COL23A1: variants seen among roughly 807,000 people sequenced by gnomAD.
COL23A1 encodes collagen alpha-1(XXIII) chain.
In COL23A1, 97 loss-of-function variants were observed where a neutral mutation model predicts 99.3. The ratio of observed to expected loss-of-function variants is 0.98; its 90% CI spans 0.83 to 1.16. The LOEUF (loss-of-function observed/expected upper bound fraction) is 1.16. COL23A1 is among the 50% of genes most tolerant of loss of function. The pLI is 0.00. For synonymous variants in COL23A1, 320 were observed against 308.2 expected, an observed-to-expected ratio of 1.04 and a Z score of -0.40; for missense variants, 762 against 757.4, an observed-to-expected ratio of 1.01 and a Z score of -0.07.
intron 2 of COL23A1, among the ~76,000 whole-genome samples, chr5:178,519,003 G>T (rs1215891418): frequency 1.3e-4 from 19 of 150,104 alleles, no homozygotes; most frequent in African/African-American, 4.1e-4. Flanking sequence ...CGTCAGCGCC[G>T]CGACTGTCCC....
chr5:178,544,917 C>CA lies in COL23A1; in HGVS notation c.361+15764dup, dbSNP rs1562073595. 6.6e-6 allele frequency among the ~76,000 whole-genome samples: 1 copy of CA among 151,806 alleles called. No individual in the cohort carries two copies. The highest frequency in any genetic ancestry group is 2.1e-4 in the South Asian group (1 of 4,804). ...AACCCCGTCTCTAGAACAACAACAA[C>CA]AAAAAAAGAAAAATTAACAAAATTT... On this transcript the variant is annotated intron_variant, in intron 2 of 28. Transcript: ENST00000390654. The surrounding 1 kb of genome is among the most constrained non-coding windows in gnomAD (Gnocchi z 4.4).
Position 178,502,285 on chromosome 5 carries a change from C to G in COL23A1, c.361+58397G>C, listed in dbSNP as rs534997409. 1.1e-4 allele frequency among the ~76,000 whole-genome samples: 17 copies of G among 152,282 alleles called. No individual in the cohort carries two copies. In the East Asian group the frequency reaches 2.7e-3, roughly 24 times the overall value. ...CAGCTGGGACTACAGGCGCCCGCCACCACGCCCGGCTAATTTTTTGTATTT... is the reference window on the plus strand; with the variant it reads ...CAGCTGGGACTACAGGCGCCCGCCAGCACGCCCGGCTAATTTTTTGTATTT... On this transcript the variant is annotated intron_variant, in intron 2 of 28. Coordinates refer to ENST00000390654, the MANE Select transcript of COL23A1 (RefSeq NM_173465.4).
At chr5:178,492,644 G>A (rs1490707398) in intron 2 of COL23A1, among the ~76,000 whole-genome samples, 2 of 151,502 alleles carry the variant, frequency 1.3e-5, no homozygotes, top group Admixed American at 6.6e-5. Flanking sequence ...GATGTTACAC[G>A]AAGTGAAGGA....
chr5:178,509,897 T>TAC (rs1198095474), intron 2 of COL23A1, among the ~76,000 whole-genome samples: 3 of 152,020 alleles, frequency 2.0e-5, no homozygotes, highest in Admixed American at 6.5e-5. Context: ...TGTGTTATTA[T>TAC]TAAGTTTCAT....
At chr5:178,268,641 C>A in intron 7 of COL23A1, 89 bp downstream of exon 7, 1 of 1,435,458 alleles carries the variant, frequency 7.0e-7, no homozygotes, top group South Asian at 1.3e-5. Flanking sequence ...GTGATGTGCT[C>A]AAGGGCACAC....
intron 1 of COL23A1, among the ~76,000 whole-genome samples, chr5:178,572,323 G>A (rs945564506): frequency 3.3e-5 from 5 of 151,988 alleles, no homozygotes; most frequent in African/African-American, 4.8e-5. Flanking sequence ...GTCACCAAAT[G>A]AGGAGTGAGA....
At chr5:178,564,616 C>A (rs1048603156) in intron 1 of COL23A1, among the ~76,000 whole-genome samples, 4 of 152,224 alleles carry the variant, frequency 2.6e-5, no homozygotes, top group African/African-American at 9.6e-5. Flanking sequence ...AGACTTTGGG[C>A]AAGTTCCCTT....
At chr5:178,531,309 C>T (rs545675634) in intron 2 of COL23A1, among the ~76,000 whole-genome samples, 3 of 152,300 alleles carry the variant, frequency 2.0e-5, no homozygotes, top group South Asian at 2.1e-4. Flanking sequence ...AAGATGGCAG[C>T]GACTTGCCCT....
chr5:178,492,618 G>A (rs1562020616), intron 2 of COL23A1, among the ~76,000 whole-genome samples: 1 of 151,600 alleles, frequency 6.6e-6, no homozygotes, highest in South Asian at 2.1e-4. Flanking sequence ...ATGCCACAAC[G>A]CAAATGCACC....
chr5:178,445,068 G>T (rs1257104571), intron 2 of COL23A1, among the ~76,000 whole-genome samples: 1 of 152,088 alleles, frequency 6.6e-6, no homozygotes, highest in African/African-American at 2.4e-5. Context: ...CAAAACATTA[G>T]CAAATTTGAT....
intron 27 of COL23A1, among the ~76,000 whole-genome samples, chr5:178,239,895 T>C (rs57859094): frequency 0.015 from 1,501 of 100,872 alleles, 95 homozygotes; most frequent in African/African-American, 0.089. Flanking sequence ...TGGGTCCTGC[T>C]GAGAGCCGTG....
At chr5:178,326,561 G>A (rs964475395) in intron 2 of COL23A1, among the ~76,000 whole-genome samples, 3 of 152,116 alleles carry the variant, frequency 2.0e-5, no homozygotes, top group East Asian at 1.9e-4. Context: ...ATCTGTCCAC[G>A]CAGGCATCTC....
rs1367642868 is a variant in COL23A1, at chr5:178,556,667, A to AAAATAAAATAAAATT, written c.361+4014_361+4015insAATTTTATTTTATTT. 9.0e-3 allele frequency among the ~76,000 whole-genome samples: 1,364 copies of AAAATAAAATAAAATT among 150,836 alleles called. 34 individuals are homozygous for AAAATAAAATAAAATT. The highest frequency in any genetic ancestry group is 0.03 in the African/African-American group (1,249 of 41,046). Reference sequence around the variant, plus strand: ...AAAATAAAATAAAATAAAATAAAATAAAAAAGCTGAGTGTGGTAGCTCATG... The same window carrying AAAATAAAATAAAATT: ...AAAATAAAATAAAATAAAATAAAATAAAATAAAATAAAATTAAAAAGCTGAGTGTGGTAGCTCATG... On this transcript the variant is annotated intron_variant, in intron 2 of 28. Transcript: ENST00000390654.
At chr5:178,379,261 A>G (rs142818378) in intron 2 of COL23A1, among the ~76,000 whole-genome samples, 219 of 152,310 alleles carry the variant, frequency 1.4e-3, no homozygotes, top group African/African-American at 5.1e-3. Context: ...TATTCATTTA[A>G]CCAAAACTTG....
intron 3 of COL23A1, among the ~76,000 whole-genome samples, chr5:178,298,951 T>C (rs1487246382): frequency 6.6e-6 from 1 of 152,244 alleles, no homozygotes; most frequent in African/African-American, 2.4e-5. Context: ...TTATCTCTTA[T>C]TCAATAATAT....
chr5:178,494,288 C>T (rs1242898603), intron 2 of COL23A1, among the ~76,000 whole-genome samples: 1 of 152,326 alleles, frequency 6.6e-6, no homozygotes, highest in Non-Finnish European at 1.5e-5. Context: ...CCAAGCCAGA[C>T]AGCACACAGC....
chr5:178,243,332 C>T (rs958848772), intron 25 of COL23A1, among the ~76,000 whole-genome samples: 2 of 151,566 alleles, frequency 1.3e-5, no homozygotes, highest in African/African-American at 4.8e-5. Flanking sequence ...TCCTAAAATA[C>T]AAAAAATTAG....
In COL23A1 at chr5:178,368,740, C is replaced by T. The variant is rs72822840; in HGVS notation, c.362-61821G>A. Among the ~76,000 whole-genome samples, 1,036 of 152,356 alleles carry T rather than the reference C, an allele frequency of 6.8e-3. 6 individuals are homozygous for T. Among genetic ancestry groups the T allele is most frequent in the Non-Finnish European group, 0.012 (797 of 68,034 alleles). ...AGAGTGGCACAGCCAGCAAGCTTCA[C>T]AGCGACTTCCTTCCAGGAGGACCAG... On this transcript the variant is annotated intron_variant, in intron 2 of 28. Transcript: ENST00000390654.
chr5:178,476,321 T>G (rs141767303), intron 2 of COL23A1, among the ~76,000 whole-genome samples: 2 of 151,962 alleles, frequency 1.3e-5, no homozygotes, highest in African/African-American at 4.8e-5. Flanking sequence ...AGTAACAGAG[T>G]GGAGATCTAC....
Sources: allele counts gnomAD v4.1 joint callset (sites outside exome capture counted in the v4.1 genomes callset), GRCh38; gene constraint gnomAD v4.1.1; non-coding constraint Gnocchi (gnomAD v3.1); transcripts MANE v1.5; gene names NCBI Gene and HGNC (gene_info 2026-07-23, HGNC 2026-07-21).